The following CSMD1 variants were observed in gnomAD, a reference collection of about 807,000 sequenced individuals.
CSMD1 encodes the protein CUB and sushi domain-containing protein 1.
A neutral mutation model predicts 417.5 loss-of-function variants in CSMD1; 213 were observed. That is an observed-to-expected ratio of 0.51 (90% CI 0.46 to 0.57). The LOEUF is 0.57. Ranked by LOEUF, CSMD1 falls within the 20% of genes least tolerant of loss-of-function variation. The pLI, the probability that CSMD1 is intolerant of heterozygous loss-of-function variation, is 0.00. For missense variants in CSMD1, 6,923 were observed against 4,529.7 expected, an observed-to-expected ratio of 1.53 and a Z score of -15.17; for synonymous variants, 2,862 against 1,736.8, an observed-to-expected ratio of 1.65 and a Z score of -16.11.
Position 4,994,494 on chromosome 8 carries a change from C to A in CSMD1, c.-78G>T. The A allele has an allele frequency of 1.5e-6, 2 of 1,318,072 alleles. No homozygotes were observed. Among genetic ancestry groups the A allele is most frequent in the South Asian group, 1.2e-5 (1 of 81,126 alleles). The allele number at this position is 1,318,072 out of a possible 1,614,324, so 81.6% of individuals were successfully genotyped here. A position where few individuals can be genotyped will look rare whatever the true frequency, so the allele number is the denominator to read the frequency against. On this transcript the variant is annotated 5_prime_UTR_variant, in exon 1 of 70. It removes the in-frame stop codon of an upstream open reading frame in the 5' UTR. Coordinates refer to ENST00000635120, the MANE Select transcript of CSMD1 (RefSeq NM_033225.6). The stretch of plus-strand genomic sequence containing the variant: ...AGGGCTATGAGCGGAGCCAAATAAT[C>A]ACCCGAGGGCAAGGCGAGCCGGAGA...
intron 3 of CSMD1, among the ~76,000 whole-genome samples, chr8:4,087,827 C>A (rs1346852107): frequency 6.6e-6 from 1 of 151,984 alleles, no homozygotes; most frequent in East Asian, 1.9e-4. Flanking sequence ...TTCCCTTTGT[C>A]ACCTAGCATA....
At chr8:3,194,453 T>TTATTTTATTTTATTC (rs1796590930) in intron 33 of CSMD1, among the ~76,000 whole-genome samples, 1 of 147,788 alleles carries the variant, frequency 6.8e-6, no homozygotes, top group African/African-American at 2.6e-5. Context: ...TTATTTTATT[T>TTATTTTATTTTATTC]TATTTTATTT....
chr8:3,213,186 C>A (rs1797711616), intron 30 of CSMD1, among the ~76,000 whole-genome samples: 1 of 152,086 alleles, frequency 6.6e-6, no homozygotes, highest in African/African-American at 2.4e-5. Context: ...CATTGTTAGG[C>A]TGTCTTAAGA....
chr8:4,598,686 G>A (rs1275760088), intron 2 of CSMD1, among the ~76,000 whole-genome samples: 4 of 152,090 alleles, frequency 2.6e-5, no homozygotes, highest in East Asian at 3.9e-4. Flanking sequence ...ATTTACACTC[G>A]TTGACAATAA....
At chr8:3,371,929 T>C (rs550377100) in intron 18 of CSMD1, among the ~76,000 whole-genome samples, 2 of 152,350 alleles carry the variant, frequency 1.3e-5, no homozygotes, top group South Asian at 2.1e-4. Context: ...CAAATCGTTA[T>C]TGGGCACCTG....
chr8:3,805,306 G>T (rs530147432), intron 5 of CSMD1, among the ~76,000 whole-genome samples: 2 of 152,196 alleles, frequency 1.3e-5, no homozygotes, highest in Admixed American at 6.5e-5. Flanking sequence ...ATTCCACCAG[G>T]ACACCAGCCT....
intron 3 of CSMD1, among the ~76,000 whole-genome samples, chr8:4,055,550 A>C (rs972745518): frequency 1.4e-5 from 2 of 141,350 alleles, no homozygotes; most frequent in African/African-American, 6.2e-5. Flanking sequence ...ATTTTAATGA[A>C]TATCATATAA....
intron 11 of CSMD1, among the ~76,000 whole-genome samples, chr8:3,480,151 G>C (rs1827155): frequency 0.024 from 3,675 of 152,118 alleles, 159 homozygotes; most frequent in African/African-American, 0.082. Flanking sequence ...CTGAGCTCAG[G>C]AGTTCAAGAC....
chr8:4,462,653 A>G (rs1010459350), intron 2 of CSMD1, among the ~76,000 whole-genome samples: 1 of 152,222 alleles, frequency 6.6e-6, no homozygotes, highest in African/African-American at 2.4e-5. Flanking sequence ...GATTAATGAA[A>G]TAAAATTCAC....
intron 5 of CSMD1, among the ~76,000 whole-genome samples, chr8:3,958,703 G>C (rs1258330921): frequency 6.6e-6 from 1 of 152,112 alleles, no homozygotes; most frequent in Non-Finnish European, 1.5e-5. Context: ...ACATAACTGA[G>C]GGTCAAACAT....
chr8:4,980,583 T>A (rs1810834142), intron 1 of CSMD1, among the ~76,000 whole-genome samples: 1 of 152,204 alleles, frequency 6.6e-6, no homozygotes, highest in Non-Finnish European at 1.5e-5. Context: ...CTTGAATTTG[T>A]GAACTGGAAG....
intron 26 of CSMD1, among the ~76,000 whole-genome samples, chr8:3,231,186 G>A (rs530304786): frequency 2.2e-4 from 34 of 152,134 alleles, no homozygotes; most frequent in East Asian, 5.8e-4. Context: ...ATTATGTGTC[G>A]CACTGAAAAT....
At chr8:3,974,553 A>C (rs1231288968) in intron 5 of CSMD1, among the ~76,000 whole-genome samples, 1 of 152,032 alleles carries the variant, frequency 6.6e-6, no homozygotes, top group African/African-American at 2.4e-5. Flanking sequence ...AAAATATTTA[A>C]ATGTTTGCTT....
chr8:3,402,686 C>G (rs929835031), intron 15 of CSMD1, among the ~76,000 whole-genome samples: 1 of 152,072 alleles, frequency 6.6e-6, no homozygotes, highest in Non-Finnish European at 1.5e-5. Context: ...TTTTATGTTA[C>G]CAAATATCTA....
At chr8:3,845,482 T>A (rs746546119) in intron 5 of CSMD1, among the ~76,000 whole-genome samples, 1 of 152,088 alleles carries the variant, frequency 6.6e-6, no homozygotes, top group Admixed American at 6.6e-5. Context: ...GCATAAAAGA[T>A]AGAAAATGCT....
At chr8:4,333,894 C>G (rs1407893019) in intron 3 of CSMD1, among the ~76,000 whole-genome samples, 2 of 151,950 alleles carry the variant, frequency 1.3e-5, no homozygotes, top group African/African-American at 4.8e-5. Context: ...CCCTTTATTT[C>G]TTTTTGTTTT....
intron 3 of CSMD1, among the ~76,000 whole-genome samples, chr8:4,075,091 T>C (rs1413504596): frequency 6.6e-6 from 1 of 152,130 alleles, no homozygotes. Flanking sequence ...TTCAGTATTA[T>C]TAGACAAAGA....
At chr8:3,242,728 G>C (rs552889238) in intron 26 of CSMD1, among the ~76,000 whole-genome samples, 11 of 151,824 alleles carry the variant, frequency 7.2e-5, no homozygotes, top group African/African-American at 2.4e-4. Context: ...AGCAAGCCCA[G>C]AGAAAAGAGA....
At chr8:3,887,288 C>G (rs144217173) in intron 5 of CSMD1, among the ~76,000 whole-genome samples, 1 of 152,146 alleles carries the variant, frequency 6.6e-6, no homozygotes, top group Non-Finnish European at 1.5e-5. Flanking sequence ...GGGAGGCCCA[C>G]GGTACATCCT....
Sources: gnomAD v4.1 joint callset for allele counts (sites outside exome capture counted in the v4.1 genomes callset) on GRCh38, gnomAD v4.1.1 for gene constraint, MANE v1.5 for transcripts, NCBI Gene and HGNC (gene_info 2026-07-23, HGNC 2026-07-21) for gene names.